Variants in KCNB2 observed in about 807,000 individuals in gnomAD.
KCNB2 encodes potassium voltage-gated channel subfamily B member 2.
Under a neutral mutation model 61.5 loss-of-function variants are expected in KCNB2, and 15 were observed. The ratio of observed to expected loss-of-function variants is 0.24; its 90% confidence interval spans 0.16 to 0.38. The LOEUF is 0.38. KCNB2 is among the 10% of genes least tolerant of loss of function. KCNB2 has a pLI of 1.00. For missense variants in KCNB2, 828 were observed against 1,125.2 expected (o/e 0.74, Z 3.78); for synonymous variants, 457 against 446.0 (o/e 1.02, Z -0.31).
chr8:72,569,084 C>T (rs1365662698), intron 2 of KCNB2, among the ~76,000 whole-genome samples: 1 of 152,098 alleles, frequency 6.6e-6, no homozygotes, highest in Non-Finnish European at 1.5e-5. Context: ...CTGCGTGATT[C>T]TGTTTGTCTA....
chr8:72,785,212 A>G (rs562256326), intron 2 of KCNB2, among the ~76,000 whole-genome samples: 7 of 152,326 alleles, frequency 4.6e-5, no homozygotes, highest in East Asian at 3.9e-4. Context: ...TACACCAAAC[A>G]TTGGATCAAA....
chr8:72,819,108 G>T (rs1402538077), intron 2 of KCNB2, among the ~76,000 whole-genome samples: 3 of 152,072 alleles, frequency 2.0e-5, no homozygotes, highest in Non-Finnish European at 4.4e-5. Flanking sequence ...ACAAAATAAT[G>T]ATTCTTCCAA....
At chr8:72,814,528 T>C (rs183570325) in intron 2 of KCNB2, among the ~76,000 whole-genome samples, 5 of 152,310 alleles carry the variant, frequency 3.3e-5, no homozygotes. Context: ...GTTTTAGCCA[T>C]GCTGTGCAAT....
intron 2 of KCNB2, chr8:72,750,319 G>A (rs1434847822): frequency 4.6e-5 from 7 of 152,128 alleles, no homozygotes; most frequent in Admixed American, 1.3e-4. Context: ...CCAGTCACTT[G>A]CTGTTATCTC....
At chr8:72,794,207 A>G (rs1002135826) in intron 2 of KCNB2, among the ~76,000 whole-genome samples, 1 of 152,212 alleles carries the variant, frequency 6.6e-6, no homozygotes, top group Non-Finnish European at 1.5e-5. Flanking sequence ...TGTTGCAGGC[A>G]TAGTTACAAG....
chr8:72,661,717 G>A (rs1051142250), intron 2 of KCNB2, among the ~76,000 whole-genome samples: 1 of 152,138 alleles, frequency 6.6e-6, no homozygotes, highest in Non-Finnish European at 1.5e-5. Flanking sequence ...TTTAGTTGCA[G>A]CTACTTAAAA....
intron 2 of KCNB2, among the ~76,000 whole-genome samples, chr8:72,739,757 G>A (rs997314920): frequency 5.3e-5 from 8 of 152,086 alleles, no homozygotes; most frequent in African/African-American, 1.9e-4. Context: ...TAGATCAAAG[G>A]AAGCTTTGGA....
At chr8:72,775,826 T>A (rs965723249) in intron 2 of KCNB2, among the ~76,000 whole-genome samples, 40 of 152,120 alleles carry the variant, frequency 2.6e-4, no homozygotes, top group Non-Finnish European at 1.8e-4. Flanking sequence ...TCATAACCAT[T>A]GTGGAAGACA....
At chr8:72,667,667 C>T (rs1189747568) in intron 2 of KCNB2, among the ~76,000 whole-genome samples, 1 of 152,070 alleles carries the variant, frequency 6.6e-6, no homozygotes, top group African/African-American at 2.4e-5. Flanking sequence ...TCACTAACCT[C>T]CCTCACCCCA....
chr8:72,780,821 T>G (rs542824628), intron 2 of KCNB2, among the ~76,000 whole-genome samples: 1 of 152,350 alleles, frequency 6.6e-6, no homozygotes, highest in Non-Finnish European at 1.5e-5. Flanking sequence ...ATGGTTGAAC[T>G]AATTTACATT....
At chr8:72,715,276 TCCAGGAATTGAACTCGG>T (rs1490571304) in intron 2 of KCNB2, among the ~76,000 whole-genome samples, 1 of 152,154 alleles carries the variant, frequency 6.6e-6, no homozygotes, top group Non-Finnish European at 1.5e-5. Flanking sequence ...AACAAGGATA[TCCAGGAATTGAACTCGG>T]CTCTGCACCA....
intron 2 of KCNB2, among the ~76,000 whole-genome samples, chr8:72,746,550 C>T (rs983628671): frequency 4.6e-5 from 7 of 152,218 alleles, no homozygotes; most frequent in Non-Finnish European, 7.4e-5. Flanking sequence ...TCATGTCTGA[C>T]GGCCTAATGG....
At chr8:72,603,874 T>C (rs942782455) in intron 2 of KCNB2, among the ~76,000 whole-genome samples, 5 of 151,890 alleles carry the variant, frequency 3.3e-5, no homozygotes, top group Admixed American at 2.0e-4. Context: ...AACTTGGAGG[T>C]AGAAATTGGC....
At chr8:72,625,310 C>T (rs1321452213) in intron 2 of KCNB2, among the ~76,000 whole-genome samples, 1 of 152,156 alleles carries the variant, frequency 6.6e-6, no homozygotes. Context: ...GCTTGTATTT[C>T]AATAAATCTA....
intron 2 of KCNB2, among the ~76,000 whole-genome samples, chr8:72,710,413 AC>A (rs1807306323): frequency 6.6e-6 from 1 of 152,166 alleles, no homozygotes; most frequent in Non-Finnish European, 1.5e-5. Flanking sequence ...AACTAAAGAC[AC>A]CAATTAGAGC....
intron 2 of KCNB2, among the ~76,000 whole-genome samples, chr8:72,668,195 A>G (rs2128987943): frequency 6.6e-6 from 1 of 152,310 alleles, no homozygotes; most frequent in South Asian, 2.1e-4. Flanking sequence ...CATATGGAAT[A>G]CTGACAACCA....
chr8:72,913,826 A>C (rs1269716418), intron 2 of KCNB2, among the ~76,000 whole-genome samples: 1 of 152,204 alleles, frequency 6.6e-6, no homozygotes, highest in Non-Finnish European at 1.5e-5. Context: ...CTTTTCAACA[A>C]ACATTTCATG....
intron 2 of KCNB2, among the ~76,000 whole-genome samples, chr8:72,778,989 G>C (rs1263635932): frequency 1.3e-5 from 2 of 151,998 alleles, no homozygotes; most frequent in African/African-American, 4.8e-5. Flanking sequence ...TAAGAAGCCA[G>C]GTCGCACCTA....
At chr8:72,606,871 C>T (rs1400484795) in intron 2 of KCNB2, among the ~76,000 whole-genome samples, 2 of 152,106 alleles carry the variant, frequency 1.3e-5, no homozygotes, top group African/African-American at 2.4e-5. Flanking sequence ...GATTCTAAGA[C>T]GTCGCTGGGG....
Sources: allele counts gnomAD v4.1 joint callset (sites outside exome capture counted in the v4.1 genomes callset), GRCh38; gene constraint gnomAD v4.1.1; transcripts MANE v1.5; gene names NCBI Gene and HGNC (gene_info 2026-07-23, HGNC 2026-07-21).